The following FRMD1 variants were observed in gnomAD, a reference collection of about 807,000 sequenced individuals.
The protein encoded by FRMD1 is FERM domain containing 1, also known as FERM domain-containing protein 1.
Under a neutral mutation model 54.9 loss-of-function variants are expected in FRMD1, and 51 were observed. The ratio of observed to expected loss-of-function variants is 0.93; its 90% confidence interval spans 0.74 to 1.17. The LOEUF is 1.17. FRMD1 is among the 50% of genes most tolerant of loss of function. The pLI is 0.00. For missense variants in FRMD1, 729 were observed against 743.0 expected, an observed-to-expected ratio of 0.98 and a Z score of 0.22; for synonymous variants, 324 against 306.4, an observed-to-expected ratio of 1.06 and a Z score of -0.60.
intron 4 of FRMD1, 161 bp from the exon 5 acceptor site, chr6:168,065,218 C>T: frequency 4.2e-6 from 6 of 1,415,240 alleles, no homozygotes; most frequent in Non-Finnish European, 5.5e-6. Context: ...CCTGCAGGGC[C>T]AGCACGGCAC....
rs372759105 is a variant in FRMD1, at chr6:168,090,877, G to A, written c.-12+10548C>T. On this transcript the variant is annotated intron_variant, in intron 1 of 12. Transcript: ENST00000644440. ...TGTCCATTTTACTGATCTGCCAATC[G>A]GGGCTCACGAAGCCAGCTCCAAAAT... Among the ~76,000 whole-genome samples the A allele has an allele frequency of 2.5e-4, 38 of 152,316 alleles. 1 individual carries two copies. The East Asian group carries it at 3.3e-3, about 13-fold the overall frequency.
chr6:168,072,606 G>A (rs927981137), intron 2 of FRMD1, among the ~76,000 whole-genome samples: 12 of 152,222 alleles, frequency 7.9e-5, no homozygotes, highest in Non-Finnish European at 1.0e-4. Context: ...GTCGGTGAAC[G>A]TCCGGCGGTG....
Position 168,056,904 on chromosome 6 carries a change from C to T in FRMD1, c.*193G>A, listed in dbSNP as rs551436223. 22 of 561,798 alleles carry T rather than the reference C, an allele frequency of 3.9e-5. No homozygotes were observed. The highest frequency in any genetic ancestry group is 4.9e-4 in the Middle Eastern group (1 of 2,038). 34.8% of individuals were successfully genotyped at this position (561,798 alleles called of 1,614,324 possible). Reference sequence around the variant, plus strand: ...GTGTATGGCAGACAGGCATGAGGTGCGGGACCTGTTTGTTACCTCCCAGGT... The same window carrying T: ...GTGTATGGCAGACAGGCATGAGGTGTGGGACCTGTTTGTTACCTCCCAGGT... On this transcript the variant is annotated 3_prime_UTR_variant, in exon 11 of 11. Transcript: ENST00000283309.
Position 168,056,803 on chromosome 6 carries a change from A to C in FRMD1, c.*294T>G, listed in dbSNP as rs2114938257. On this transcript the variant is annotated 3_prime_UTR_variant, in exon 11 of 11. Transcript: ENST00000283309. ...GGGTGACAGGCTGCCTCAGGGGCCAACACCATGGCTCTCTGGACACTTGAC... is the reference window on the plus strand; with the variant it reads ...GGGTGACAGGCTGCCTCAGGGGCCACCACCATGGCTCTCTGGACACTTGAC... 3.7e-6 allele frequency: 1 copy of C among 272,326 alleles called. No individual in the cohort carries two copies. Among genetic ancestry groups the C allele is most frequent in the African/African-American group, 2.2e-5 (1 of 45,500 alleles). The allele number at this position is 272,326 out of a possible 1,614,324, so 16.9% of individuals were successfully genotyped here.
At chr6:168,065,302 T>C (rs1799972636) in intron 4 of FRMD1, 3 of 1,293,228 alleles carry the variant, frequency 2.3e-6, no homozygotes, top group Non-Finnish European at 9.8e-7. Context: ...AGGCTCCACC[T>C]GCCGAGGTCC....
At chr6:168,071,908 C>T (rs1468683513) in intron 2 of FRMD1, among the ~76,000 whole-genome samples, 1 of 152,230 alleles carries the variant, frequency 6.6e-6, no homozygotes, top group Non-Finnish European at 1.5e-5. Context: ...CTCAAGGACC[C>T]CTGCCTCCTG....
Position 168,064,890 on chromosome 6 carries a change from T to G in FRMD1, c.629A>C (p.His210Pro). 6.3e-7 allele frequency: 1 copy of G among 1,575,096 alleles called. No individual in the cohort carries two copies. Among genetic ancestry groups the G allele is most frequent in the Non-Finnish European group, 8.6e-7 (1 of 1,160,830 alleles). ...SAHAGRYFEP[H>P]SYFPQWIITK... The stretch of plus-strand genomic sequence containing the variant: ...CCTTACCCACTGTGGGAAGTAGGAG[T>G]GTGGCTCGAAGTACCTCCCGGCATG... The change falls in exon 5 of 11, where the codon CAC becomes CCC. Residue 210 changes from histidine (H) to proline (P), a missense_variant. Transcript: ENST00000283309.
In FRMD1 at chr6:168,057,336, G is replaced by A. The variant is rs201134528; in HGVS notation, c.1411C>T (p.Gln471Ter). ...GQSAEAVHQI[Q>*]EMTAGVSEEQ... Reference sequence around the variant, plus strand: ...TCACTGACCCCGGCTGTCATTTCCTGGATCTGCGGGGAGAGGCCATGGGAT... The same window carrying A: ...TCACTGACCCCGGCTGTCATTTCCTAGATCTGCGGGGAGAGGCCATGGGAT... Residue 471 changes from glutamine (Q) to a stop codon, truncating the protein, a stop_gained, in exon 11 of 11, where the codon CAG (glutamine) becomes TAG (stop). Coordinates refer to ENST00000283309, the MANE Select transcript of FRMD1 (RefSeq NM_024919.6). LOFTEE classifies it low-confidence loss of function (END_TRUNC). The A allele has an allele frequency of 3.1e-6, 5 of 1,609,642 alleles. No individual in the cohort carries two copies. In the African/African-American group the frequency reaches 4.0e-5, roughly 13 times the overall value.
In FRMD1 at chr6:168,053,797, A is replaced by T. The variant is rs225757; in HGVS notation, c.*3300T>A. On this transcript the variant is annotated 3_prime_UTR_variant, in exon 11 of 11. Transcript: ENST00000283309. ...CGGGCTGATGCTCGGCTTGGGAACC[A>T]CCTCTCCTGTGAGATCCCAGACACA... The T allele has an allele frequency of 1.3e-5, 2 of 152,244 alleles. No homozygotes were observed. The highest frequency in any genetic ancestry group is 4.8e-5 in the African/African-American group (2 of 41,464). 9.4% of individuals were successfully genotyped at this position (152,244 alleles called of 1,614,324 possible).
At chr6:168,082,244 C>G (rs531046793), upstream of FRMD1, among the ~76,000 whole-genome samples, 1 of 152,254 alleles carries the variant, frequency 6.6e-6, no homozygotes, top group Non-Finnish European at 1.5e-5. Context: ...TTTACCGACT[C>G]GGCTGCGATG....
At chr6:168,073,165 C>T (rs1406950075) in intron 2 of FRMD1, among the ~76,000 whole-genome samples, 4 of 152,156 alleles carry the variant, frequency 2.6e-5, no homozygotes, top group African/African-American at 9.7e-5. Flanking sequence ...AAGCCCAGTG[C>T]TGGGTGTAGT....
intron 1 of FRMD1, among the ~76,000 whole-genome samples, chr6:168,077,660 G>A (rs1446613824): frequency 2.0e-5 from 3 of 152,254 alleles, no homozygotes; most frequent in Non-Finnish European, 2.9e-5. Context: ...AAGCAGATGA[G>A]CACGATTCAC....
At chr6:168,067,201 A>G in intron 3 of FRMD1, 166 bp downstream of exon 3, 1 of 641,958 alleles carries the variant, frequency 1.6e-6, no homozygotes, top group Non-Finnish European at 2.8e-6. Context: ...CACCCCACGC[A>G]TCCCACCACT....
At chr6:168,063,044 G>T in intron 6 of FRMD1, 85 bp from the exon 7 acceptor site, 1 of 1,146,330 alleles carries the variant, frequency 8.7e-7, no homozygotes, top group African/African-American at 1.5e-5. Context: ...TCTGGCTAGG[G>T]GCCGAGGGCT....
At chr6:168,085,785 C>T (rs1225502133), upstream of FRMD1, among the ~76,000 whole-genome samples, 13 of 147,310 alleles carry the variant, frequency 8.8e-5, no homozygotes, top group African/African-American at 1.5e-4. Flanking sequence ...CGCCCAGCCA[C>T]AGCATCCAAA....
chr6:168,064,062 C>T (rs2114973237), intron 5 of FRMD1, among the ~76,000 whole-genome samples: 1 of 152,356 alleles, frequency 6.6e-6, no homozygotes, highest in Middle Eastern at 3.4e-3. Context: ...TGGGAACCTG[C>T]CCAGTGAGGA....
chr6:168,065,905 A>G, intron 4 of FRMD1: 3 of 1,000,224 alleles, frequency 3.0e-6, no homozygotes, highest in Non-Finnish European at 3.6e-6. Context: ...GCACCCCTGA[A>G]GCTCTGTTCT....
intron 2 of FRMD1, among the ~76,000 whole-genome samples, chr6:168,070,628 T>G (rs1800261088): frequency 6.6e-6 from 1 of 152,234 alleles, no homozygotes; most frequent in African/African-American, 2.4e-5. Flanking sequence ...AACAATCATA[T>G]GAGCCAGTTC....
At position 168,061,072 on chromosome 6, in the gene FRMD1, G is replaced by A. The variant is rs1297984309; in HGVS notation, c.1046-15C>T. The A allele has an allele frequency of 1.3e-6, 2 of 1,598,932 alleles. No homozygotes were observed. Among genetic ancestry groups the A allele is most frequent in the African/African-American group, 1.3e-5 (1 of 74,444 alleles). On this transcript the variant is annotated splice_polypyrimidine_tract_variant and intron_variant, in intron 8 of 10. Coordinates refer to ENST00000283309, the MANE Select transcript of FRMD1 (RefSeq NM_024919.6). ...GTGCTGCTTCTCTGTGGGGAGTGGG[G>A]AGCACAGTGAGGGCGAGCTGGAGAG... is the stretch of plus-strand genomic sequence containing the variant.
Sources: allele counts gnomAD v4.1 joint callset (sites outside exome capture counted in the v4.1 genomes callset), GRCh38; gene constraint gnomAD v4.1.1; transcripts MANE v1.5; gene names NCBI Gene and HGNC (gene_info 2026-07-23, HGNC 2026-07-21).